Variants in ALKBH8 observed in about 807,000 individuals in gnomAD.
ALKBH8 encodes alkB homolog 8, tRNA methyltransferase, also known as tRNA (carboxymethyluridine(34)-5-O)-methyltransferase ALKBH8.
A neutral mutation model predicts 59.8 loss-of-function variants in ALKBH8; 36 were observed. That is an observed-to-expected ratio of 0.60 (90% CI 0.46 to 0.79). The LOEUF is 0.79. ALKBH8 is among the 30% of genes least tolerant of loss of function. The pLI, the probability that ALKBH8 is intolerant of heterozygous loss-of-function variation, is 0.00. For missense variants in ALKBH8, 768 were observed against 801.0 expected (o/e 0.96, Z 0.50); for synonymous variants, 276 against 273.6 (o/e 1.01, Z -0.09).
At chr11:107,563,725 C>T (rs1565354273) in intron 1 of ALKBH8, 1 of 152,196 alleles carries the variant, frequency 6.6e-6, no homozygotes, top group Non-Finnish European at 1.5e-5. Context: ...TAATATTTCA[C>T]ATGAGCAAAC....
At chr11:107,544,249 G>C (rs1243844404) in intron 7 of ALKBH8, among the ~76,000 whole-genome samples, 2 of 152,192 alleles carry the variant, frequency 1.3e-5, no homozygotes, top group African/African-American at 4.8e-5. Context: ...ACAGCAGCAT[G>C]TTCTATTTTA....
At chr11:107,553,075 G>A (rs1299398679) in intron 5 of ALKBH8, 33 bp downstream of exon 5, 1 of 1,333,074 alleles carries the variant, frequency 7.5e-7, no homozygotes, top group Middle Eastern at 1.8e-4. Flanking sequence ...ATATTTTTGA[G>A]CCAGAATTTA....
chr11:107,517,387 C>T (rs571323335), intron 10 of ALKBH8, among the ~76,000 whole-genome samples: 1 of 152,254 alleles, frequency 6.6e-6, no homozygotes, highest in South Asian at 2.1e-4. Flanking sequence ...AATAGAACTA[C>T]CATATGATCC....
chr11:107,520,472 C>T (rs1863062569), intron 10 of ALKBH8, among the ~76,000 whole-genome samples: 1 of 152,044 alleles, frequency 6.6e-6, no homozygotes, highest in African/African-American at 2.4e-5. Flanking sequence ...TTGATTTCGA[C>T]CTAGTTTCAC....
intron 11 of ALKBH8, 75 bp from the exon 12 acceptor site, chr11:107,505,290 T>A: frequency 1.8e-6 from 2 of 1,116,812 alleles, no homozygotes; most frequent in Non-Finnish European, 1.2e-6. Flanking sequence ...ACCATAGGAC[T>A]GTTTTCAATT....
At chr11:107,512,235 C>T (rs1219640787) in intron 10 of ALKBH8, among the ~76,000 whole-genome samples, 2 of 147,338 alleles carry the variant, frequency 1.4e-5, no homozygotes, top group Non-Finnish European at 3.0e-5. Context: ...CACACACACA[C>T]ATTTTGTAAT....
rs1862310524 is a variant in ALKBH8, at chr11:107,504,849, G to C, written c.1804C>G (p.Pro602Ala). 2 of 1,551,606 alleles carry C rather than the reference G, an allele frequency of 1.3e-6. No individual in the cohort carries two copies. Among genetic ancestry groups the C allele is most frequent in the African/African-American group, 2.7e-5 (2 of 73,026 alleles). Residue 602 changes from proline (P) to alanine (A), a missense_variant, in exon 12 of 12, where the codon CCT becomes GCT. By Grantham distance (27) the Pro-to-Ala change is conservative. Coordinates refer to ENST00000428149, the MANE Select transcript of ALKBH8 (RefSeq NM_138775.3). ...VLVPWHLKGNPDKGKPVEPFG... is the reference protein window; with the variant it reads ...VLVPWHLKGNADKGKPVEPFG... ...GGCTCAACAGGTTTGCCTTTATCAGGATTTCCCTTAAGGTGCCAGGGAACC... is the reference window on the plus strand; with the variant it reads ...GGCTCAACAGGTTTGCCTTTATCAGCATTTCCCTTAAGGTGCCAGGGAACC...
rs938475688 is a variant in ALKBH8, at chr11:107,532,189, T to C, written c.878+111A>G. On this transcript the variant is annotated intron_variant, in intron 8 of 11. Transcript: ENST00000428149. ...ACTAGATAGATGCCCCTAGGAGTTC[T>C]GAACCCAGAAGCCTCAATCTGCAGG... 15 of 806,410 alleles carry C rather than the reference T, an allele frequency of 1.9e-5. No homozygotes were observed. In the African/African-American group the frequency reaches 2.4e-4, roughly 13 times the overall value. 50.0% of individuals were successfully genotyped at this position (806,410 alleles called of 1,614,324 possible). A position where few individuals can be genotyped will look rare whatever the true frequency, so the allele number is the denominator to read the frequency against.
intron 8 of ALKBH8, among the ~76,000 whole-genome samples, chr11:107,529,823 G>A (rs1036448607): frequency 6.6e-6 from 1 of 152,054 alleles, no homozygotes; most frequent in Non-Finnish European, 1.5e-5. Context: ...TTTTAATACA[G>A]ACACGAGTTC....
chr11:107,565,445 C>T, intron 1 of ALKBH8, 156 bp downstream of exon 1: 2 of 974,068 alleles, frequency 2.1e-6, no homozygotes, highest in Non-Finnish European at 1.5e-6. Context: ...AGACACCCTA[C>T]TGCCCACACT....
At chr11:107,519,136 A>G (rs918656326) in intron 10 of ALKBH8, among the ~76,000 whole-genome samples, 2 of 151,754 alleles carry the variant, frequency 1.3e-5, no homozygotes, top group African/African-American at 2.4e-5. Flanking sequence ...ACAGAGTCTC[A>G]CTCTTATTGC....
chr11:107,542,478 A>C (rs1164688675), intron 7 of ALKBH8, among the ~76,000 whole-genome samples: 1 of 152,210 alleles, frequency 6.6e-6, no homozygotes, highest in East Asian at 1.9e-4. Context: ...TGAAGGTTTC[A>C]TGAGCTTTTT....
At chr11:107,521,503 C>A (rs1863109454) in intron 10 of ALKBH8, among the ~76,000 whole-genome samples, 1 of 152,078 alleles carries the variant, frequency 6.6e-6, no homozygotes, top group African/African-American at 2.4e-5. Flanking sequence ...GGAATGTCAG[C>A]TGCTCTCGTT....
chr11:107,532,201 C>A, intron 8 of ALKBH8, 99 bp downstream of exon 8: 2 of 918,684 alleles, frequency 2.2e-6, no homozygotes, highest in Non-Finnish European at 3.3e-6. Flanking sequence ...AACCCAGAAG[C>A]CTCAATCTGC....
At chr11:107,517,287 G>A (rs1862903703) in intron 10 of ALKBH8, among the ~76,000 whole-genome samples, 1 of 152,136 alleles carries the variant, frequency 6.6e-6, no homozygotes. Context: ...AGGATGTGGG[G>A]AAAAGGGAAT....
rs1315421427 is a variant in ALKBH8, at chr11:107,525,489, G to A, written c.982C>T (p.Arg328Ter). 1.0e-5 allele frequency: 16 copies of A among 1,544,332 alleles called. No homozygotes were observed. Among genetic ancestry groups the A allele is most frequent in the Admixed American group, 2.0e-5 (1 of 49,580 alleles). The change falls in exon 9 of 12, where the codon CGA becomes TGA. Residue 328 changes from arginine to a stop codon, truncating the protein, a stop_gained. Coordinates refer to ENST00000428149, the MANE Select transcript of ALKBH8 (RefSeq NM_138775.3). LOFTEE classifies it high-confidence loss of function. Reference sequence around the variant, plus strand: ...ACTTTCCTAAATGTAAATGATGTTCGTAGTCCCCTCTTGCTTAAAGTTAAG... The same window carrying A: ...ACTTTCCTAAATGTAAATGATGTTCATAGTCCCCTCTTGCTTAAAGTTAAG... ...GDLTLSKRGL[R>*]TSFTFRKVRQ...
Position 107,525,578 on chromosome 11 carries a change from T to C in ALKBH8, c.893A>G (p.Lys298Arg). The C allele has an allele frequency of 1.4e-6, 2 of 1,413,306 alleles. No individual in the cohort carries two copies. The highest frequency in any genetic ancestry group is 1.8e-6 in the Non-Finnish European group (2 of 1,081,124). 87.5% of individuals were successfully genotyped at this position (1,413,306 alleles called of 1,614,324 possible). ...YLWTHGITCR[K>R]FDTVQASESL... is the part of the protein sequence containing the mutation. ...CTCAGATGCTTGAACAGTATCAAATTTTCTGCACGTGATTCTAAAAACAAT... is the reference window on the plus strand; with the variant it reads ...CTCAGATGCTTGAACAGTATCAAATCTTCTGCACGTGATTCTAAAAACAAT... Residue 298 changes from lysine (K) to arginine (R), a missense_variant, in exon 9 of 12, where the codon AAA (lysine) becomes AGA (arginine). Coordinates refer to ENST00000428149, the MANE Select transcript of ALKBH8 (RefSeq NM_138775.3).
intron 7 of ALKBH8, among the ~76,000 whole-genome samples, chr11:107,542,775 T>C (rs968795200): frequency 6.6e-6 from 1 of 152,084 alleles, no homozygotes; most frequent in Non-Finnish European, 1.5e-5. Flanking sequence ...CTGGGCATGG[T>C]AGCTCGTGCC....
At chr11:107,515,160 C>A (rs1301266694) in intron 10 of ALKBH8, among the ~76,000 whole-genome samples, 1 of 152,004 alleles carries the variant, frequency 6.6e-6, no homozygotes, top group Non-Finnish European at 1.5e-5. Context: ...TCTCCTCTTC[C>A]CTCTTTCCAT....
Sources: allele counts gnomAD v4.1 joint callset (sites outside exome capture counted in the v4.1 genomes callset), GRCh38; gene constraint gnomAD v4.1.1; transcripts MANE v1.5; gene names NCBI Gene and HGNC (gene_info 2026-07-23, HGNC 2026-07-21).